Variants in CLYBL observed in about 807,000 individuals in gnomAD.
CLYBL encodes the protein citramalyl-CoA lyase.
A neutral mutation model predicts 38.9 loss-of-function variants in CLYBL; 31 were observed. The observed-to-expected ratio is 0.80, with a 90% CI of 0.60 to 1.08. CLYBL has a LOEUF of 1.08. Among genes scored for constraint, CLYBL ranks in the 50% least tolerant of loss-of-function variants. The probability of loss-of-function intolerance (pLI) is 0.00; values close to 1 mark genes in which losing one functional copy is unlikely to be tolerated. For synonymous variants in CLYBL, 171 were observed against 158.6 expected, an observed-to-expected ratio of 1.08 and a Z score of -0.59; for missense variants, 434 against 411.6, an observed-to-expected ratio of 1.05 and a Z score of -0.47.
chr13:99,873,343 A>G (rs573260916), intron 7 of CLYBL, among the ~76,000 whole-genome samples: 2 of 152,324 alleles, frequency 1.3e-5, no homozygotes, highest in South Asian at 4.1e-4. Flanking sequence ...AGGTTGCACA[A>G]TTATATAAAG....
At chr13:99,692,918 T>C (rs530178177) in intron 1 of CLYBL, among the ~76,000 whole-genome samples, 1 of 151,856 alleles carries the variant, frequency 6.6e-6, no homozygotes, top group South Asian at 2.1e-4. Context: ...TCATTCCTTT[T>C]TCTGGCCCAG....
At chr13:99,867,329 A>G (rs1346623619) in intron 6 of CLYBL, among the ~76,000 whole-genome samples, 1 of 152,230 alleles carries the variant, frequency 6.6e-6, no homozygotes, top group African/African-American at 2.4e-5. Context: ...CGGTTACCGA[A>G]AGAAAGGTTT....
At chr13:99,654,865 C>T (rs1052856324) in intron 1 of CLYBL, among the ~76,000 whole-genome samples, 38 of 151,858 alleles carry the variant, frequency 2.5e-4, no homozygotes, top group African/African-American at 8.5e-4. Context: ...ATTAGCTGGG[C>T]ATGGTGGCGG....
intron 1 of CLYBL, among the ~76,000 whole-genome samples, chr13:99,664,683 C>T (rs2047455267): frequency 6.6e-6 from 1 of 152,054 alleles, no homozygotes; most frequent in African/African-American, 2.4e-5. Context: ...TTTGTATTGC[C>T]AGAAAATCAT....
chr13:99,673,057 A>G (rs1266898763), intron 1 of CLYBL, among the ~76,000 whole-genome samples: 2 of 152,174 alleles, frequency 1.3e-5, no homozygotes, highest in African/African-American at 4.8e-5. Context: ...TGGTAACAAC[A>G]GAGATAAATA....
intron 1 of CLYBL, among the ~76,000 whole-genome samples, chr13:99,659,588 A>G (rs1455270965): frequency 6.6e-6 from 1 of 152,162 alleles, no homozygotes; most frequent in Non-Finnish European, 1.5e-5. Flanking sequence ...GATGTTGGCA[A>G]AAGTCATTTA....
chr13:99,685,733 G>T (rs975294613), intron 1 of CLYBL, among the ~76,000 whole-genome samples: 2 of 152,212 alleles, frequency 1.3e-5, no homozygotes. Context: ...AGGCCAAGGT[G>T]GGTGGATCAC....
At chr13:99,612,385 A>ATTTTTTTTTTTTTTTTTTTTT (rs2046639158) in intron 1 of CLYBL, among the ~76,000 whole-genome samples, 1 of 66,548 alleles carries the variant, frequency 1.5e-5, no homozygotes. Flanking sequence ...AGACCTTTCT[A>ATTTTTTTTTTTTTTTTTTTTT]CTTTTTTTTT....
chr13:99,866,363 G>A lies in CLYBL; in HGVS notation c.758G>A (p.Gly253Glu), dbSNP rs1435198612. The change falls in exon 6 of 9, where the codon GGG becomes GAG. Residue 253 changes from glycine (G) to glutamate (E), a missense_variant. Gly to Glu is a moderately conservative substitution (Grantham distance 98). Transcript: ENST00000339105. ...TACATTGACTTTCGAGATGGAGCTGGGCTGCTTAGACAGTCACGAGAAGGA... is the reference window on the plus strand; with the variant it reads ...TACATTGACTTTCGAGATGGAGCTGAGCTGCTTAGACAGTCACGAGAAGGA... ...LVYIDFRDGA[G>E]LLRQSREGAA... 1.9e-6 allele frequency: 3 copies of A among 1,614,120 alleles called. No homozygotes were observed. The highest frequency in any genetic ancestry group is 2.7e-5 in the African/African-American group (2 of 75,024).
intron 2 of CLYBL, among the ~76,000 whole-genome samples, chr13:99,843,426 A>G (rs1478609801): frequency 6.6e-6 from 1 of 152,014 alleles, no homozygotes; most frequent in Non-Finnish European, 1.5e-5. Context: ...ACAGTCTACA[A>G]TTGTTTATTG....
intron 1 of CLYBL, among the ~76,000 whole-genome samples, chr13:99,705,418 T>C (rs2048132118): frequency 1.3e-5 from 2 of 152,044 alleles, no homozygotes; most frequent in Admixed American, 1.3e-4. Context: ...CTGTCTCTAC[T>C]AAAAGTATGA....
intron 1 of CLYBL, among the ~76,000 whole-genome samples, chr13:99,657,616 C>G (rs1019176301): frequency 1.6e-5 from 2 of 121,552 alleles, no homozygotes; most frequent in African/African-American, 6.4e-5. Context: ...AAATTTTGAC[C>G]TAATTAGAGG....
At position 99,754,936 on chromosome 13, in the gene CLYBL, T is replaced by C. The variant is rs1033506472; in HGVS notation, c.63-17888T>C. On this transcript the variant is annotated intron_variant, in intron 1 of 8. Coordinates refer to ENST00000339105, the MANE Select transcript of CLYBL (RefSeq NM_206808.5). ...TTTTTGAGACGGAGTCTCACTCTGT[T>C]GCCCAGGCTGAAGTGCAGTGGCGCA... Among the ~76,000 whole-genome samples the C allele has an allele frequency of 3.4e-5, 5 of 147,618 alleles. No individual in the cohort carries two copies. The South Asian group carries it at 8.6e-4, about 25-fold the overall frequency.
rs1375957866 is a variant in CLYBL, at chr13:99,849,874, C to T, written c.250-8987C>T. Among the ~76,000 whole-genome samples, 1 of 152,214 alleles carries T rather than the reference C, an allele frequency of 6.6e-6. No individual in the cohort carries two copies. The highest frequency in any genetic ancestry group is 1.5e-5 in the Non-Finnish European group (1 of 68,040). The stretch of plus-strand genomic sequence containing the variant: ...GGAGGCAGACAGAAGTAAGCCCCTT[C>T]TTTCCACTGGAGTTTTCTCTTTCCT... On this transcript the variant is annotated intron_variant, in intron 2 of 8. Coordinates refer to ENST00000339105, the MANE Select transcript of CLYBL (RefSeq NM_206808.5). The surrounding 1 kb of genome is among the most constrained non-coding windows in gnomAD (Gnocchi z 4.9).
At chr13:99,788,594 C>T (rs980685004) in intron 2 of CLYBL, among the ~76,000 whole-genome samples, 17 of 152,132 alleles carry the variant, frequency 1.1e-4, no homozygotes, top group African/African-American at 4.1e-4. Context: ...CTGCTGGATT[C>T]AGTTTGCCAG....
Position 99,836,037 on chromosome 13 carries a change from G to T in CLYBL, c.250-22824G>T, listed in dbSNP as rs77921669. 2.6e-5 allele frequency among the ~76,000 whole-genome samples: 4 copies of T among 152,284 alleles called. No homozygotes were observed. In the South Asian group the frequency reaches 8.3e-4, roughly 32 times the overall value. On this transcript the variant is annotated intron_variant, in intron 2 of 8. Coordinates refer to ENST00000339105, the MANE Select transcript of CLYBL (RefSeq NM_206808.5). ...GGTGGATTTCAGGGCTTGAGAGTTC[G>T]GGATGAGGCAATTTTGAGAAAAGTG...
chr13:99,766,869 C>T (rs1300013374), intron 1 of CLYBL, among the ~76,000 whole-genome samples: 2 of 152,096 alleles, frequency 1.3e-5, no homozygotes, highest in Admixed American at 1.3e-4. Flanking sequence ...GGACAAACCT[C>T]CTATAGTGTG....
At chr13:99,835,088 C>T (rs2050904316) in intron 2 of CLYBL, among the ~76,000 whole-genome samples, 1 of 152,234 alleles carries the variant, frequency 6.6e-6, no homozygotes, top group African/African-American at 2.4e-5. Context: ...GCCTGTCTCT[C>T]TGTGGTTACC....
At chr13:99,654,658 T>G (rs143621624) in intron 1 of CLYBL, among the ~76,000 whole-genome samples, 194 of 152,350 alleles carry the variant, frequency 1.3e-3, no homozygotes, top group Admixed American at 2.4e-3. Flanking sequence ...AAGCCAGTAA[T>G]GTGCCAGATG....
Sources: allele counts gnomAD v4.1 joint callset (sites outside exome capture counted in the v4.1 genomes callset), GRCh38; gene constraint gnomAD v4.1.1; non-coding constraint Gnocchi (gnomAD v3.1); transcripts MANE v1.5; gene names NCBI Gene and HGNC (gene_info 2026-07-23, HGNC 2026-07-21).